The following OR5BS1 variants were observed in gnomAD, a reference collection of about 807,000 sequenced individuals.
OR5BS1 encodes the protein olfactory receptor family 5 subfamily BS member 1, also known as olfactory receptor 5BS1.
chr12:48,560,348 G>C, the OR5BS1 span: 1 of 401,472 alleles, frequency 2.5e-6, no homozygotes, highest in Non-Finnish European at 4.4e-6. Context: ...ATGGGGACTG[G>C]CCTAATTAAC....
At chr12:48,562,446 A>G in the OR5BS1 span, among the ~76,000 whole-genome samples, 2 of 152,192 alleles carry the variant, frequency 1.3e-5, no homozygotes, top group Admixed American at 6.5e-5. Context: ...ATGAAATGCT[A>G]TGGAAATGTA....
the OR5BS1 span, chr12:48,562,832 T>C: frequency 2.5e-6 from 1 of 401,974 alleles, no homozygotes; most frequent in East Asian, 3.6e-5. Context: ...CTAGAACAAG[T>C]GCTCTCCGTG....
At chr12:48,560,701 C>T in the OR5BS1 span, 1 of 400,326 alleles carries the variant, frequency 2.5e-6, no homozygotes, top group East Asian at 3.6e-5. Context: ...TATTCCTTAC[C>T]CTAAGTGGTC....
At chr12:48,561,528 T>C in the OR5BS1 span, among the ~76,000 whole-genome samples, 1 of 152,336 alleles carries the variant, frequency 6.6e-6, no homozygotes, top group Admixed American at 6.5e-5. Flanking sequence ...AGCCATAAGT[T>C]GGACCGAGAT....
At chr12:48,560,590 A>T in the OR5BS1 span, 4 of 401,704 alleles carry the variant, frequency 1.0e-5, 1 homozygote, top group South Asian at 5.0e-4. Flanking sequence ...TCGGAGCAAG[A>T]TCTTTTCCAC....
At chr12:48,560,350 C>T in the OR5BS1 span, 1 of 401,294 alleles carries the variant, frequency 2.5e-6, no homozygotes, top group African/African-American at 2.1e-5. Flanking sequence ...GGGGACTGGC[C>T]TAATTAACAC....
the OR5BS1 span, chr12:48,562,692 CTCCTTTGCAGA>C: frequency 5.0e-6 from 2 of 398,304 alleles, no homozygotes; most frequent in Non-Finnish European, 8.9e-6. Context: ...CTCTGAAGAC[CTCCTTTGCAGA>C]GTCTTTGCAG....
the OR5BS1 span, among the ~76,000 whole-genome samples, chr12:48,561,051 G>A: frequency 6.6e-5 from 10 of 151,326 alleles, no homozygotes; most frequent in Middle Eastern, 3.4e-3. Context: ...TGCAGTGAGC[G>A]GAAATTGCAC....
At chr12:48,562,470 C>A in the OR5BS1 span, among the ~76,000 whole-genome samples, 1 of 152,148 alleles carries the variant, frequency 6.6e-6, no homozygotes, top group Non-Finnish European at 1.5e-5. Context: ...TATTATTATT[C>A]ATTCTATTTT....
the OR5BS1 span, chr12:48,559,977 G>A: frequency 2.5e-6 from 1 of 402,744 alleles, no homozygotes; most frequent in Non-Finnish European, 4.4e-6. Flanking sequence ...TTCTGTTCCT[G>A]GTGATTTACC....
chr12:48,561,937 A>C, the OR5BS1 span, among the ~76,000 whole-genome samples: 2 of 105,326 alleles, frequency 1.9e-5, no homozygotes, highest in African/African-American at 7.4e-5. Flanking sequence ...ACAAAAAATA[A>C]CAGTAAAATG....
the OR5BS1 span, chr12:48,560,272 T>C: frequency 7.5e-6 from 3 of 401,234 alleles, no homozygotes; most frequent in Non-Finnish European, 1.3e-5. Flanking sequence ...TCATCCACTG[T>C]TGTATGTGGT....
At chr12:48,559,932 G>A in the OR5BS1 span, 159 of 401,576 alleles carry the variant, frequency 4.0e-4, no homozygotes, top group African/African-American at 2.5e-3. Context: ...TCCTAGGACT[G>A]TCCAACAACC....
At chr12:48,561,499 C>T in the OR5BS1 span, among the ~76,000 whole-genome samples, 1 of 152,126 alleles carries the variant, frequency 6.6e-6, no homozygotes, top group Admixed American at 6.5e-5. Flanking sequence ...TCAGCAGTCC[C>T]AGAACAAGCT....
the OR5BS1 span, chr12:48,560,548 A>G: frequency 2.5e-6 from 1 of 401,844 alleles, no homozygotes; most frequent in Non-Finnish European, 4.4e-6. Flanking sequence ...CTGTATCATC[A>G]TGACAGCCCT....
the OR5BS1 span, among the ~76,000 whole-genome samples, chr12:48,562,149 A>G: frequency 2.0e-5 from 3 of 152,194 alleles, no homozygotes; most frequent in African/African-American, 7.2e-5. Flanking sequence ...ACACATTTTT[A>G]TCTCCCATTT....
the OR5BS1 span, chr12:48,559,911 T>G: frequency 2.5e-6 from 1 of 401,292 alleles, no homozygotes; most frequent in Admixed American, 4.4e-5. Context: ...CCACAGTCAC[T>G]GTGTTTATTC....
At chr12:48,562,802 T>C in the OR5BS1 span, 4 of 401,762 alleles carry the variant, frequency 1.0e-5, no homozygotes, top group Non-Finnish European at 1.8e-5. Context: ...AGGTATATGA[T>C]TCCAGCATCT....
At chr12:48,561,789 T>C in the OR5BS1 span, among the ~76,000 whole-genome samples, 1 of 151,952 alleles carries the variant, frequency 6.6e-6, no homozygotes, top group African/African-American at 2.4e-5. Context: ...GTAAAATAAA[T>C]AAATAAATAA....
Sources: allele counts gnomAD v4.1 joint callset (sites outside exome capture counted in the v4.1 genomes callset), GRCh38; gene constraint gnomAD v4.1.1; transcripts MANE v1.5; gene names NCBI Gene and HGNC (gene_info 2026-07-23, HGNC 2026-07-21).